RBM33: variants seen among roughly 807,000 people sequenced by gnomAD.
RBM33 encodes the protein RNA-binding protein 33.
Under a neutral mutation model 132.6 loss-of-function variants are expected in RBM33, and 28 were observed. That is an observed-to-expected ratio of 0.21 (90% CI 0.16 to 0.29). RBM33 has a LOEUF of 0.29. Among genes scored for constraint, RBM33 ranks in the 10% least tolerant of loss-of-function variants. The pLI is 1.00. For synonymous variants in RBM33, 634 were observed against 593.0 expected (o/e 1.07, Z -1.01); for missense variants, 1,291 against 1,518.5 (o/e 0.85, Z 2.49).
chr7:155,741,968 A>G lies in RBM33; in HGVS notation c.2199A>G (p.Gln733=), dbSNP rs755821589. 1 of 1,614,010 alleles carries G rather than the reference A, an allele frequency of 6.2e-7. No individual in the cohort carries two copies. The highest frequency in any genetic ancestry group is 1.7e-5 in the Admixed American group (1 of 60,022). ...GCTGCTCTGCCACGCCCTCAGCACA[A>G]GTGAAACCTATCGTCAGCGCGTCAC... ...SSRCSATPSA[Q]VKPIVSASPP... Residue 733 remains glutamine, a synonymous_variant, in exon 13 of 18, where the codon CAA becomes CAG. Transcript: ENST00000401878.
intron 3 of RBM33, among the ~76,000 whole-genome samples, chr7:155,677,216 T>C (rs1799208826): frequency 1.2e-5 from 1 of 83,266 alleles, no homozygotes; most frequent in East Asian, 3.4e-4. Context: ...TCATTTTCTT[T>C]TTTTCTTTTT....
chr7:155,742,868 A>G (rs1801395685), intron 13 of RBM33, among the ~76,000 whole-genome samples: 1 of 152,194 alleles, frequency 6.6e-6, no homozygotes, highest in Non-Finnish European at 1.5e-5. Flanking sequence ...GCCTGTGCAG[A>G]AGGCTGGCAC....
At position 155,777,151 on chromosome 7, in the gene RBM33, T is replaced by C. The variant is rs1236829881; in HGVS notation, c.*2110T>C. 1 of 152,534 alleles carries C rather than the reference T, an allele frequency of 6.6e-6. No homozygotes were observed. Among genetic ancestry groups the C allele is most frequent in the Non-Finnish European group, 1.5e-5 (1 of 68,024 alleles). The allele number at this position is 152,534 out of a possible 1,614,324, so 9.4% of individuals were successfully genotyped here. On this transcript the variant is annotated 3_prime_UTR_variant, in exon 18 of 18. Coordinates refer to ENST00000401878, the MANE Select transcript of RBM33 (RefSeq NM_053043.3). The stretch of plus-strand genomic sequence containing the variant: ...GTAGGCATTGAAACAGACTTTTTTG[T>C]AGTCAGTGTTAATAAAACGGATCCT...
chr7:155,764,055 C>T (rs1394755073), intron 15 of RBM33, 37 bp downstream of exon 15: 25 of 1,460,762 alleles, frequency 1.7e-5, no homozygotes, highest in Middle Eastern at 1.9e-4. Flanking sequence ...CCTGGAAACG[C>T]GAAGGCCGGT....
At chr7:155,679,278 T>C (rs1799272531) in intron 4 of RBM33, among the ~76,000 whole-genome samples, 1 of 152,208 alleles carries the variant, frequency 6.6e-6, no homozygotes, top group African/African-American at 2.4e-5. Context: ...TATATGCTGC[T>C]TTTCTAAAGA....
chr7:155,713,720 G>A (rs1454179453), intron 8 of RBM33, among the ~76,000 whole-genome samples: 1 of 152,244 alleles, frequency 6.6e-6, no homozygotes, highest in South Asian at 2.1e-4. Flanking sequence ...ACAGAAGTTG[G>A]ATGATAATTG....
chr7:155,717,532 T>A (rs1800499858), intron 8 of RBM33, among the ~76,000 whole-genome samples: 1 of 23,478 alleles, frequency 4.3e-5, no homozygotes, highest in African/African-American at 1.7e-4. Flanking sequence ...TGGGGTTGGG[T>A]GTGGGGGCGG....
Position 155,680,922 on chromosome 7 carries a change from C to A in RBM33, c.567+14C>A. On this transcript the variant is annotated intron_variant, in intron 5 of 17. Transcript: ENST00000401878. ...GATGAATTTACAGTGAGTCTTTTCT[C>A]CTTTGTATGGCCAAAGATAACCTGG... is the stretch of plus-strand genomic sequence containing the variant. 6.2e-7 allele frequency: 1 copy of A among 1,601,400 alleles called. No individual in the cohort carries two copies. Among genetic ancestry groups the A allele is most frequent in the South Asian group, 1.1e-5 (1 of 89,790 alleles).
intron 15 of RBM33, among the ~76,000 whole-genome samples, chr7:155,765,358 T>C (rs1447378559): frequency 6.6e-6 from 1 of 152,224 alleles, no homozygotes; most frequent in East Asian, 1.9e-4. Context: ...TCATGTGCAT[T>C]TTCCAGTGTG....
At chr7:155,667,315 C>T (rs150070953) in intron 2 of RBM33, among the ~76,000 whole-genome samples, 118 of 151,994 alleles carry the variant, frequency 7.8e-4, no homozygotes, top group African/African-American at 2.4e-3. Context: ...AGTGTAGTGG[C>T]GTGATCATAG....
chr7:155,688,008 T>C (rs1199696479), intron 5 of RBM33, among the ~76,000 whole-genome samples: 5 of 152,248 alleles, frequency 3.3e-5, no homozygotes, highest in Admixed American at 1.3e-4. Context: ...TCCAGTTCTG[T>C]GAAGAAAGTC....
At chr7:155,719,970 C>G (rs560573210) in intron 9 of RBM33, among the ~76,000 whole-genome samples, 1 of 152,234 alleles carries the variant, frequency 6.6e-6, no homozygotes, top group African/African-American at 2.4e-5. Flanking sequence ...ATAATTGTAT[C>G]TGATGCTAGG....
At chr7:155,693,952 C>T (rs1347652268) in intron 5 of RBM33, among the ~76,000 whole-genome samples, 2 of 152,116 alleles carry the variant, frequency 1.3e-5, no homozygotes, top group Non-Finnish European at 2.9e-5. Context: ...ACATATCCGT[C>T]TGTTTTGGTG....
intron 5 of RBM33, among the ~76,000 whole-genome samples, chr7:155,696,696 A>G (rs2116950629): frequency 6.6e-6 from 1 of 152,250 alleles, no homozygotes; most frequent in East Asian, 1.9e-4. Flanking sequence ...AATTAACTTA[A>G]AAAAATGATG....
chr7:155,733,872 A>T (rs1801031220), intron 9 of RBM33, among the ~76,000 whole-genome samples: 1 of 152,212 alleles, frequency 6.6e-6, no homozygotes, highest in African/African-American at 2.4e-5. Context: ...CTTTGTTCTT[A>T]AGTCTTCTAA....
intron 1 of RBM33, among the ~76,000 whole-genome samples, chr7:155,654,753 A>C (rs530699697): frequency 1.7e-4 from 26 of 152,226 alleles, no homozygotes; most frequent in Non-Finnish European, 3.7e-4. Flanking sequence ...GTCATTCATT[A>C]ATTTAAGTTC....
chr7:155,720,270 C>T (rs1033333562), intron 9 of RBM33, among the ~76,000 whole-genome samples: 9 of 152,156 alleles, frequency 5.9e-5, no homozygotes, highest in Middle Eastern at 3.2e-3. Flanking sequence ...CACGTATCTT[C>T]CTTTAAGTCC....
intron 1 of RBM33, among the ~76,000 whole-genome samples, chr7:155,656,902 T>C (rs1798507571): frequency 6.6e-6 from 1 of 152,140 alleles, no homozygotes; most frequent in African/African-American, 2.4e-5. Flanking sequence ...ATACCATATA[T>C]TAGTTTATTG....
Position 155,711,194 on chromosome 7 carries a change from C to G in RBM33, c.949-9C>G. The G allele has an allele frequency of 6.7e-7, 1 of 1,502,304 alleles. No individual in the cohort carries two copies. Among genetic ancestry groups the G allele is most frequent in the Non-Finnish European group, 8.9e-7 (1 of 1,123,868 alleles). The allele number at this position is 1,502,304 out of a possible 1,614,324, so 93.1% of individuals were successfully genotyped here. On this transcript the variant is annotated splice_polypyrimidine_tract_variant and intron_variant, in intron 7 of 17. Transcript: ENST00000401878. ...GTAGACTCATTCTCCAAGGTTAATTCCTCCACAGCCCCAGGCTCCCCCTCC... is the reference window on the plus strand; with the variant it reads ...GTAGACTCATTCTCCAAGGTTAATTGCTCCACAGCCCCAGGCTCCCCCTCC...
Sources: allele counts gnomAD v4.1 joint callset (sites outside exome capture counted in the v4.1 genomes callset), GRCh38; gene constraint gnomAD v4.1.1; transcripts MANE v1.5; gene names NCBI Gene and HGNC (gene_info 2026-07-23, HGNC 2026-07-21).